The following RSPH14 variants were observed in gnomAD, a reference collection of about 807,000 sequenced individuals.
RSPH14 encodes the protein rhabdoid tumor deletion region gene 1.
RSPH14 carries 20 observed loss-of-function variants against 26.7 expected under a neutral mutation model. The observed-to-expected ratio is 0.75, with a 90% CI of 0.53 to 1.09. The LOEUF (loss-of-function observed/expected upper bound fraction) is 1.09, where lower values mean the gene tolerates loss of function less well. Among genes scored for constraint, RSPH14 ranks in the 50% least tolerant of loss-of-function variants. The pLI, the probability that RSPH14 is intolerant of heterozygous loss-of-function variation, is 0.00. For missense variants in RSPH14, 449 were observed against 457.2 expected (o/e 0.98, Z 0.16); for synonymous variants, 177 against 189.3 (o/e 0.93, Z 0.53).
At position 23,138,899 on chromosome 22, in the gene RSPH14, A is replaced by G; in HGVS notation, c.243T>C (p.Ser81=). ...CCTCGGTGGTCTTTATGCGCACCAT[A>G]CTGTTGCTATCCTTCAGCAAAGCTT... The part of the protein sequence containing the change: ...NLKALLKDSN[S]MVRIKTTEVL... The change falls in exon 3 of 7, where the codon AGT becomes AGC. Residue 81 remains serine (S), a synonymous_variant. Coordinates refer to ENST00000216036, the MANE Select transcript of RSPH14 (RefSeq NM_014433.3). 2 of 1,550,826 alleles carry G rather than the reference A, an allele frequency of 1.3e-6. No homozygotes were observed. The highest frequency in any genetic ancestry group is 1.7e-6 in the Non-Finnish European group (2 of 1,147,230).
rs2068367395 is a variant in RSPH14 at position 23,071,320 on chromosome 22, A to G, written c.422-7187T>C. On this transcript the variant is annotated intron_variant, in intron 4 of 6. Transcript: ENST00000216036. This position sits in a 1 kb window ranked among gnomAD's most constrained non-coding sequence, Gnocchi z 4.1. ...CGGTGCTGAGCCTTCCTGGGTGATG[A>G]TGGCAGGATTCGGCCTAGGCCGAGA... Among the ~76,000 whole-genome samples, 1 of 152,110 alleles carries G rather than the reference A, an allele frequency of 6.6e-6. No homozygotes were observed. Among genetic ancestry groups the G allele is most frequent in the Admixed American group, 6.5e-5 (1 of 15,284 alleles).
chr22:23,065,674 G>C (rs1026049198), intron 4 of RSPH14, among the ~76,000 whole-genome samples: 1 of 152,080 alleles, frequency 6.6e-6, no homozygotes, highest in South Asian at 2.1e-4. Flanking sequence ...CCTGGCAGGG[G>C]GTTGTGGATG....
chr22:23,108,317 A>G (rs941708266), intron 4 of RSPH14, among the ~76,000 whole-genome samples: 2 of 152,386 alleles, frequency 1.3e-5, no homozygotes, highest in Admixed American at 6.5e-5. Context: ...ACAGGGGCCA[A>G]TGGTGCTAAA....
the RSPH14 span, among the ~76,000 whole-genome samples, chr22:23,158,453 G>A: frequency 4.6e-5 from 7 of 152,326 alleles, no homozygotes; most frequent in East Asian, 1.4e-3. Context: ...TGAGAAGAGA[G>A]AATTGGCAAT....
chr22:23,094,048 C>T (rs2069057210), intron 4 of RSPH14, among the ~76,000 whole-genome samples: 1 of 152,200 alleles, frequency 6.6e-6, no homozygotes. Context: ...AGATGCTGGT[C>T]ACACCCAGGA....
intron 2 of RSPH14, among the ~76,000 whole-genome samples, chr22:23,139,204 G>A (rs142764848): frequency 8.7e-4 from 132 of 152,376 alleles, no homozygotes; most frequent in Middle Eastern, 3.4e-3. Context: ...ATGAGGTTAA[G>A]AAAATGGCCT....
At position 23,139,029 on chromosome 22, in the gene RSPH14, C is replaced by T. The variant is rs1462893174; in HGVS notation, c.200-87G>A. On this transcript the variant is annotated intron_variant, in intron 2 of 6. Coordinates refer to ENST00000216036, the MANE Select transcript of RSPH14 (RefSeq NM_014433.3). ...ACCAACCCAGAAGTCAATAAGTGGG[C>T]CAGTTGGGGCAGGAATGTACCAGAG... 6.0e-6 allele frequency: 6 copies of T among 997,350 alleles called. No homozygotes were observed. In the East Asian group the frequency reaches 1.0e-4, roughly 17 times the overall value. 61.8% of individuals were successfully genotyped at this position (997,350 alleles called of 1,614,324 possible). A position where few individuals can be genotyped will look rare whatever the true frequency, so the allele number is the denominator to read the frequency against.
intron 4 of RSPH14, among the ~76,000 whole-genome samples, chr22:23,078,406 A>T (rs2068568309): frequency 6.6e-6 from 1 of 152,216 alleles, no homozygotes; most frequent in Non-Finnish European, 1.5e-5. Flanking sequence ...TGGCTGGGAC[A>T]CAGAGGCACT....
At chr22:23,088,702 A>G (rs79581211) in intron 4 of RSPH14, among the ~76,000 whole-genome samples, 3,197 of 152,328 alleles carry the variant, frequency 0.021, 48 homozygotes, top group Non-Finnish European at 0.031. Flanking sequence ...AGCCTGGGAC[A>G]GTGGACACCA....
At chr22:23,131,482 A>G in intron 4 of RSPH14, 1 of 549,166 alleles carries the variant, frequency 1.8e-6, no homozygotes, top group Non-Finnish European at 2.8e-6. Context: ...AAGCAAGTAT[A>G]AAATATGGAT....
chr22:23,168,645 C>G, the RSPH14 span, among the ~76,000 whole-genome samples: 1 of 152,222 alleles, frequency 6.6e-6, no homozygotes, highest in South Asian at 2.1e-4. Flanking sequence ...TGATGAGCAG[C>G]CAGGACGTAT....
At chr22:23,161,620 G>A in the RSPH14 span, 22 of 1,445,168 alleles carry the variant, frequency 1.5e-5, no homozygotes, top group Admixed American at 3.7e-5. Flanking sequence ...AGGAATTTCC[G>A]TGACTGTGGT....
At chr22:23,168,905 C>T in the RSPH14 span, among the ~76,000 whole-genome samples, 1 of 152,174 alleles carries the variant, frequency 6.6e-6, no homozygotes, top group African/African-American at 2.4e-5. Flanking sequence ...AGGTGGTTGG[C>T]ACCCCTAGCC....
chr22:23,150,046 T>C, the RSPH14 span: 223 of 1,586,838 alleles, frequency 1.4e-4, no homozygotes, highest in Non-Finnish European at 1.9e-4. Flanking sequence ...TGTGTCCGTC[T>C]GTCTGTCTCT....
the RSPH14 span, among the ~76,000 whole-genome samples, chr22:23,178,334 T>C: frequency 5.3e-5 from 8 of 151,700 alleles, no homozygotes; most frequent in Admixed American, 5.3e-4. Flanking sequence ...CAGAATCACT[T>C]GAACCCAGGA....
At chr22:23,123,761 C>CGA in intron 4 of RSPH14, 6 of 322,336 alleles carry the variant, frequency 1.9e-5, no homozygotes, top group Admixed American at 4.4e-5. Flanking sequence ...CCTGAGTTGG[C>CGA]CCCACTCCAC....
At chr22:23,145,819 G>A (rs1226080788), upstream of RSPH14, 3 of 339,852 alleles carry the variant, frequency 8.8e-6, no homozygotes, top group Non-Finnish European at 1.3e-5. Context: ...AGAGGAGTCC[G>A]GACAGAAAAA....
At chr22:23,091,187 G>C (rs918119452) in intron 4 of RSPH14, among the ~76,000 whole-genome samples, 6 of 152,184 alleles carry the variant, frequency 3.9e-5, no homozygotes, top group Admixed American at 1.3e-4. Flanking sequence ...CCTGCTCACA[G>C]ACATGTACAT....
At chr22:23,087,883 C>T (rs1311462038) in intron 4 of RSPH14, among the ~76,000 whole-genome samples, 1 of 152,178 alleles carries the variant, frequency 6.6e-6, no homozygotes. Flanking sequence ...TAGGGAGGGT[C>T]AGAATCTTTA....
Sources: allele counts gnomAD v4.1 joint callset (sites outside exome capture counted in the v4.1 genomes callset), GRCh38; gene constraint gnomAD v4.1.1; non-coding constraint Gnocchi (gnomAD v3.1); transcripts MANE v1.5; gene names NCBI Gene and HGNC (gene_info 2026-07-23, HGNC 2026-07-21).